Variants in NUP93 observed in about 807,000 individuals in gnomAD.
NUP93 encodes the protein nuclear pore complex protein Nup93.
In NUP93, 55 loss-of-function variants were observed where a neutral mutation model predicts 107.8. The observed-to-expected ratio is 0.51, with a 90% CI of 0.41 to 0.64. The LOEUF (loss-of-function observed/expected upper bound fraction) is 0.64, where lower values mean the gene tolerates loss of function less well. Ranked by LOEUF, NUP93 falls within the 30% of genes least tolerant of loss-of-function variation. The pLI is 0.00. For missense variants in NUP93, 937 were observed against 1,044.7 expected, an observed-to-expected ratio of 0.90 and a Z score of 1.42; for synonymous variants, 390 against 397.5, an observed-to-expected ratio of 0.98 and a Z score of 0.22.
intron 3 of NUP93, among the ~76,000 whole-genome samples, chr16:56,787,598 A>G (rs2144531949): frequency 6.6e-6 from 1 of 152,292 alleles, no homozygotes; most frequent in South Asian, 2.1e-4. Flanking sequence ...GACACTAGAT[A>G]TGACAAAGCT....
At chr16:56,836,128 C>CAAA (rs766959511) in intron 16 of NUP93, among the ~76,000 whole-genome samples, 11,484 of 94,354 alleles carry the variant, frequency 0.12, 493 homozygotes, top group East Asian at 0.18. Flanking sequence ...GACTCTGTCT[C>CAAA]AAAAAAAAAA....
In NUP93 at chr16:56,821,623, CCGGGG is replaced by C. The variant is rs1295260898; in HGVS notation, c.654+31_654+35del. 3.3e-6 allele frequency: 5 copies of C among 1,510,934 alleles called. No individual in the cohort carries two copies. The African/African-American group carries it at 5.6e-5, about 17-fold the overall frequency. The allele number at this position is 1,510,934 out of a possible 1,614,324, so 93.6% of individuals were successfully genotyped here. A position where few individuals can be genotyped will look rare whatever the true frequency, so the allele number is the denominator to read the frequency against. ...CACCTAGAGCTAACTCAAGTAGAAA[CCGGGG>C]TCCAGTGTTCCGATGGGCCTAGCAA... On this transcript the variant is annotated intron_variant, in intron 7 of 21. Coordinates refer to ENST00000308159, the MANE Select transcript of NUP93 (RefSeq NM_014669.5).
intron 2 of NUP93, among the ~76,000 whole-genome samples, chr16:56,754,477 G>A (rs1961981122): frequency 6.6e-6 from 1 of 152,220 alleles, no homozygotes; most frequent in Non-Finnish European, 1.5e-5. Context: ...CTATGAGCCT[G>A]TAAGACCAAA....
At chr16:56,828,913 G>A in intron 8 of NUP93, 64 bp from the exon 9 acceptor site, 3 of 1,529,788 alleles carry the variant, frequency 2.0e-6, no homozygotes, top group Non-Finnish European at 2.7e-6. Context: ...TCATGGATAT[G>A]GGCATAGAGA....
At chr16:56,819,989 C>T (rs543844017) in intron 6 of NUP93, among the ~76,000 whole-genome samples, 2 of 152,274 alleles carry the variant, frequency 1.3e-5, no homozygotes, top group Non-Finnish European at 2.9e-5. Flanking sequence ...TTTACTCCCC[C>T]TGTGCATCTG....
At chr16:56,812,458 C>T (rs1216779053) in intron 5 of NUP93, among the ~76,000 whole-genome samples, 2 of 152,098 alleles carry the variant, frequency 1.3e-5, no homozygotes, top group African/African-American at 2.4e-5. Context: ...ATTCTCCTGC[C>T]TCAGCCTCCC....
intron 1 of NUP93, among the ~76,000 whole-genome samples, chr16:56,738,695 G>A (rs907894056): frequency 6.6e-6 from 1 of 152,144 alleles, no homozygotes; most frequent in Non-Finnish European, 1.5e-5. Flanking sequence ...GTAATTGACA[G>A]CTGACAGATA....
intron 5 of NUP93, among the ~76,000 whole-genome samples, chr16:56,806,251 C>T (rs1033645637): frequency 6.6e-6 from 1 of 151,642 alleles, no homozygotes; most frequent in East Asian, 1.9e-4. Flanking sequence ...CCATCTTGCC[C>T]ATCTGACACC....
Position 56,844,455 on chromosome 16 carries a change from C to T in NUP93, c.2350-44C>T, listed in dbSNP as rs758934535. On this transcript the variant is annotated intron_variant, in intron 21 of 21. Coordinates refer to ENST00000308159, the MANE Select transcript of NUP93 (RefSeq NM_014669.5). Reference sequence around the variant, plus strand: ...AAGAATATGGAATAGTGCCCTGACTCGAAAGTTAACCGATTTCCTTCCCTT... The same window carrying T: ...AAGAATATGGAATAGTGCCCTGACTTGAAAGTTAACCGATTTCCTTCCCTT... 15 of 1,219,958 alleles carry T rather than the reference C, an allele frequency of 1.2e-5. No individual in the cohort carries two copies. In the East Asian group the frequency reaches 3.3e-4, roughly 27 times the overall value. The allele number at this position is 1,219,958 out of a possible 1,614,324, so 75.6% of individuals were successfully genotyped here.
chr16:56,840,285 G>T (rs1865830), intron 20 of NUP93, among the ~76,000 whole-genome samples: 1 of 151,968 alleles, frequency 6.6e-6, no homozygotes, highest in South Asian at 2.1e-4. Context: ...CTCCCAAAAT[G>T]CTGGGATTAC....
At chr16:56,767,271 A>G (rs1962232512) in intron 3 of NUP93, among the ~76,000 whole-genome samples, 1 of 152,244 alleles carries the variant, frequency 6.6e-6, no homozygotes, top group South Asian at 2.1e-4. Context: ...CTTTCCAGAA[A>G]GCTGCAGCAC....
chr16:56,810,651 T>C (rs1331159519), intron 5 of NUP93, among the ~76,000 whole-genome samples: 1 of 151,900 alleles, frequency 6.6e-6, no homozygotes. Flanking sequence ...TCTCAAAAAA[T>C]TAAAAAATTT....
At chr16:56,825,642 T>A (rs1047564485) in intron 8 of NUP93, among the ~76,000 whole-genome samples, 18 of 152,248 alleles carry the variant, frequency 1.2e-4, no homozygotes, top group African/African-American at 3.4e-4. Context: ...TTCCTTGGTT[T>A]TAAATTGCTG....
chr16:56,839,218 G>T, intron 19 of NUP93, 149 bp downstream of exon 19: 1 of 304,486 alleles, frequency 3.3e-6, no homozygotes, highest in Non-Finnish European at 6.2e-6. Flanking sequence ...GACTTAAAAG[G>T]AGTTTCCTGT....
intron 3 of NUP93, among the ~76,000 whole-genome samples, chr16:56,769,325 G>A (rs759052898): frequency 2.0e-5 from 3 of 152,194 alleles, no homozygotes; most frequent in Non-Finnish European, 2.9e-5. Flanking sequence ...GGTAGGCATA[G>A]CTCTTATTTA....
chr16:56,835,352 CAG>C (rs1218138335), intron 16 of NUP93, among the ~76,000 whole-genome samples: 1 of 152,206 alleles, frequency 6.6e-6, no homozygotes, highest in Non-Finnish European at 1.5e-5. Flanking sequence ...ACTTGTCCCT[CAG>C]GGGCTGAGTT....
rs140324565 is a variant in NUP93 at position 56,801,464 on chromosome 16, G to T, written c.360+2926G>T. 6.4e-3 allele frequency among the ~76,000 whole-genome samples: 973 copies of T among 152,284 alleles called. 18 individuals are homozygous for T. Among genetic ancestry groups the T allele is most frequent in the African/African-American group, 0.023 (946 of 41,548 alleles). ...GTCTTGCTCTGTCACCCAGGCTGGAGTGTAATGGTGTGATCTCGGCTCACC... is the reference window on the plus strand; with the variant it reads ...GTCTTGCTCTGTCACCCAGGCTGGATTGTAATGGTGTGATCTCGGCTCACC... On this transcript the variant is annotated intron_variant, in intron 4 of 21. Transcript: ENST00000308159.
chr16:56,791,599 G>A (rs1375813421), intron 3 of NUP93, among the ~76,000 whole-genome samples: 1 of 152,222 alleles, frequency 6.6e-6, no homozygotes, highest in Admixed American at 6.5e-5. Flanking sequence ...GAAACCCAGA[G>A]TTTGCATGAT....
At chr16:56,805,654 A>C in intron 5 of NUP93, 22 bp downstream of exon 5, 1 of 1,605,164 alleles carries the variant, frequency 6.2e-7, no homozygotes, top group Admixed American at 1.7e-5. Flanking sequence ...GCAAAAGATA[A>C]ACTACTGTTA....
Sources: allele counts gnomAD v4.1 joint callset (sites outside exome capture counted in the v4.1 genomes callset), GRCh38; gene constraint gnomAD v4.1.1; transcripts MANE v1.5; gene names NCBI Gene and HGNC (gene_info 2026-07-23, HGNC 2026-07-21).